The following PPARD variants were observed in gnomAD, a reference collection of about 807,000 sequenced individuals.
PPARD encodes the protein peroxisome proliferator-activated receptor delta.
A neutral mutation model predicts 39.5 loss-of-function variants in PPARD; 6 were observed. The ratio of observed to expected loss-of-function variants is 0.15; its 90% confidence interval spans 0.08 to 0.30. The LOEUF is 0.30. Among genes scored for constraint, PPARD ranks in the 10% least tolerant of loss-of-function variants. The probability of loss-of-function intolerance (pLI) is 1.00; values close to 1 mark genes in which losing one functional copy is unlikely to be tolerated. For missense variants in PPARD, 397 were observed against 596.8 expected (o/e 0.67, Z 3.49); for synonymous variants, 210 against 231.3 (o/e 0.91, Z 0.83).
intron 3 of PPARD, among the ~76,000 whole-genome samples, chr6:35,414,094 A>G (rs1331163657): frequency 6.6e-6 from 1 of 152,194 alleles, no homozygotes; most frequent in African/African-American, 2.4e-5. Context: ...GACTGCTCAT[A>G]AGAGCAAAAA....
At chr6:35,413,217 C>T (rs1402145846) in intron 3 of PPARD, among the ~76,000 whole-genome samples, 3 of 152,188 alleles carry the variant, frequency 2.0e-5, no homozygotes, top group Non-Finnish European at 4.4e-5. Context: ...TAGGGTGAGG[C>T]AGGCATGGCG....
Position 35,377,871 on chromosome 6 carries a change from C to CTTTTTTTT in PPARD, c.-102+30725_-102+30732dup, listed in dbSNP as rs540687692. ...TGTGGGTCGCTGCTTGTTTACGTAT[C>CTTTTTTTT]TTTTTTTTTTTGAGACAGAGTGTTG... On this transcript the variant is annotated intron_variant, in intron 2 of 7. Coordinates refer to ENST00000360694, the MANE Select transcript of PPARD (RefSeq NM_006238.5). Among the ~76,000 whole-genome samples the CTTTTTTTT allele has an allele frequency of 1.9e-4, 23 of 120,364 alleles. 1 individual carries two copies. Among genetic ancestry groups the CTTTTTTTT allele is most frequent in the East Asian group, 8.6e-4 (3 of 3,488 alleles). The allele number at this position is 120,364 out of a possible 152,430, so 79.0% of individuals were successfully genotyped here. A position where few individuals can be genotyped will look rare whatever the true frequency, so the allele number is the denominator to read the frequency against.
chr6:35,389,592 C>T (rs1182181828), intron 2 of PPARD, among the ~76,000 whole-genome samples: 4 of 151,814 alleles, frequency 2.6e-5, no homozygotes, highest in Admixed American at 6.6e-5. Flanking sequence ...GGATTACAGG[C>T]GTGAGCCACC....
At chr6:35,355,552 TAAAAAAAAAAAAAAA>T (rs1171537260) in intron 2 of PPARD, among the ~76,000 whole-genome samples, 1 of 59,418 alleles carries the variant, frequency 1.7e-5, no homozygotes. Flanking sequence ...GCCCTGTCTG[TAAAAAAAAAAAAAAA>T]AAAAAAAAAA....
intron 2 of PPARD, among the ~76,000 whole-genome samples, chr6:35,381,814 CG>C (rs1043609601): frequency 7.2e-5 from 11 of 152,238 alleles, no homozygotes; most frequent in Non-Finnish European, 1.2e-4. Context: ...CAAGGTCTGC[CG>C]CCATTCATTC....
chr6:35,353,097 A>G (rs1248939953), intron 2 of PPARD, among the ~76,000 whole-genome samples: 2 of 152,148 alleles, frequency 1.3e-5, no homozygotes, highest in East Asian at 1.9e-4. Context: ...TCTTCTCATG[A>G]TTTTCATTCC....
chr6:35,379,880 T>C (rs1045530942), intron 2 of PPARD, among the ~76,000 whole-genome samples: 1 of 152,260 alleles, frequency 6.6e-6, no homozygotes, highest in African/African-American at 2.4e-5. Context: ...CTCCAAATTA[T>C]GATAGATTAA....
chr6:35,371,373 C>T (rs775297721), intron 2 of PPARD, among the ~76,000 whole-genome samples: 10 of 152,186 alleles, frequency 6.6e-5, no homozygotes, highest in African/African-American at 2.2e-4. Context: ...TCCCTCCACG[C>T]GCTTGTCCCT....
chr6:35,392,334 C>T (rs534412346), intron 2 of PPARD, among the ~76,000 whole-genome samples: 10 of 152,222 alleles, frequency 6.6e-5, no homozygotes, highest in African/African-American at 1.9e-4. Flanking sequence ...AGCTGGGAGG[C>T]GGGCTGTTGG....
rs9658134 is a variant in PPARD at position 35,411,021 on chromosome 6, G to T, written c.-67G>T. 142 of 1,383,118 alleles carry T rather than the reference G, an allele frequency of 1.0e-4. No homozygotes were observed. The highest frequency in any genetic ancestry group is 1.2e-4 in the Non-Finnish European group (131 of 1,059,224). 85.7% of individuals were successfully genotyped at this position (1,383,118 alleles called of 1,614,324 possible). ...AACCACCCTGTAGAGGTCCATCTGC[G>T]TTCAGACCCAGACGATGCCAGAGCT... On this transcript the variant is annotated 5_prime_UTR_variant, in exon 3 of 8. Transcript: ENST00000360694.
In PPARD at chr6:35,404,426, C is replaced by G. The variant is rs192286544; in HGVS notation, c.-101-6561C>G. 3.9e-5 allele frequency among the ~76,000 whole-genome samples: 6 copies of G among 152,298 alleles called. No individual in the cohort carries two copies. The East Asian group carries it at 1.2e-3, about 29-fold the overall frequency. ...TGGAGGTGGTGATCCAGCTTAGGCT[C>G]TGGTACAGTAAGAAGGTCCATCAGG... is the stretch of plus-strand genomic sequence containing the variant. On this transcript the variant is annotated intron_variant, in intron 2 of 7. Coordinates refer to ENST00000360694, the MANE Select transcript of PPARD (RefSeq NM_006238.5).
chr6:35,388,543 G>A (rs185560263), intron 2 of PPARD, among the ~76,000 whole-genome samples: 142 of 152,158 alleles, frequency 9.3e-4, no homozygotes, highest in African/African-American at 3.2e-3. Context: ...AAAACCCCAT[G>A]TCTATTAAAA....
intron 3 of PPARD, 65 bp downstream of exon 3, chr6:35,411,282 G>C: frequency 4.4e-6 from 6 of 1,357,440 alleles, no homozygotes; most frequent in Non-Finnish European, 5.8e-6. Context: ...TGGGGATCCT[G>C]GCCCTCTGCA....
chr6:35,346,229 C>A (rs1441549362), intron 1 of PPARD, among the ~76,000 whole-genome samples: 2 of 152,168 alleles, frequency 1.3e-5, no homozygotes, highest in African/African-American at 4.8e-5. Context: ...CTGAGGCCCA[C>A]CTCCCTGAGT....
At chr6:35,382,361 TAA>T (rs1273042807) in intron 2 of PPARD, among the ~76,000 whole-genome samples, 1 of 152,228 alleles carries the variant, frequency 6.6e-6, no homozygotes, top group Non-Finnish European at 1.5e-5. Context: ...GTGCTTGCCA[TAA>T]AATGAAATTT....
intron 2 of PPARD, among the ~76,000 whole-genome samples, chr6:35,382,791 A>G (rs138272615): frequency 2.6e-5 from 4 of 152,310 alleles, no homozygotes; most frequent in Non-Finnish European, 5.9e-5. Flanking sequence ...TTACCATCCT[A>G]TCCTCAGTTT....
Position 35,420,266 on chromosome 6 carries a change from A to C in PPARD, c.270A>C (p.Ala90=). 1 of 1,582,788 alleles carries C rather than the reference A, an allele frequency of 6.3e-7. No homozygotes were observed. Among genetic ancestry groups the C allele is most frequent in the Non-Finnish European group, 8.6e-7 (1 of 1,163,560 alleles). The change falls in exon 4 of 8, where the codon GCA becomes GCC. Residue 90 remains alanine (A), a synonymous_variant. Transcript: ENST00000360694. ...CGGGCTTCCACTACGGTGTTCATGC[A>C]TGTGAGGGGTGCAAGGTACGGACTG... is the stretch of plus-strand genomic sequence containing the variant. ...KASGFHYGVH[A]CEGCKGFFRR... is the part of the protein sequence containing the mutation.
At chr6:35,348,403 G>C in intron 2 of PPARD, 1 of 985,380 alleles carries the variant, frequency 1.0e-6, no homozygotes, top group Non-Finnish European at 1.2e-6. Flanking sequence ...AATGCTCTGG[G>C]TTCCCATTGC....
rs576475801 is a variant in PPARD at position 35,373,398 on chromosome 6, T to C, written c.-102+26248T>C. On this transcript the variant is annotated intron_variant, in intron 2 of 7. Transcript: ENST00000360694. ...AGAGACCAGCTTCTGCTGTGGAGAG[T>C]GTTAAGTGCCTTGATGCCACAAGCC... Among the ~76,000 whole-genome samples the C allele has an allele frequency of 3.3e-5, 5 of 152,150 alleles. No homozygotes were observed. In the South Asian group the frequency reaches 1.0e-3, roughly 32 times the overall value.
Sources: allele counts gnomAD v4.1 joint callset (sites outside exome capture counted in the v4.1 genomes callset), GRCh38; gene constraint gnomAD v4.1.1; transcripts MANE v1.5; gene names NCBI Gene and HGNC (gene_info 2026-07-23, HGNC 2026-07-21).